The following DRP2 variants were observed in gnomAD, a reference collection of about 807,000 sequenced individuals.
DRP2 encodes the protein dystrophin related protein 2, also known as dystrophin-related protein 2.
DRP2 carries 29 observed loss-of-function variants against 78.2 expected under a neutral mutation model. The ratio of observed to expected loss-of-function variants is 0.37; its 90% CI spans 0.28 to 0.51. The LOEUF (loss-of-function observed/expected upper bound fraction) is 0.51. DRP2 is among the 20% of genes least tolerant of loss of function. The pLI, the probability that DRP2 is intolerant of heterozygous loss-of-function variation, is 0.94. For synonymous variants in DRP2, 290 were observed against 281.9 expected (o/e 1.03, Z -0.29); for missense variants, 686 against 770.6 (o/e 0.89, Z 1.30).
intron 4 of DRP2, among the ~76,000 whole-genome samples, chrX:101,236,693 G>A (rs1922517893): frequency 8.9e-6 from 1 of 112,240 alleles, no homozygotes; most frequent in African/African-American, 3.2e-5. Flanking sequence ...TTGTGGATAA[G>A]TTGAAAGAAT....
chrX:101,241,437 T>A (rs1488396597), intron 6 of DRP2, among the ~76,000 whole-genome samples: 2 of 111,006 alleles, frequency 1.8e-5, no homozygotes, highest in Non-Finnish European at 1.9e-5. Context: ...TAACTGCCTA[T>A]GACTCTACAA....
rs1922768680 is a variant in DRP2 at position 101,242,458 on chromosome X, G to A, written c.962G>A (p.Trp321Ter). Residue 321 changes from tryptophan to a stop codon, truncating the protein, a stop_gained, in exon 8 of 24, where the codon TGG becomes TAG. Coordinates refer to ENST00000395209, the MANE Select transcript of DRP2 (RefSeq NM_001939.3). LOFTEE classifies it high-confidence loss of function. ...GCCCTGGAACAGATCAACGTCCGAT[G>A]GAAACAACTACAGGTAGAAGAGCAG... is the stretch of plus-strand genomic sequence containing the variant. ...SQALEQINVR[W>*]KQLQASVSER... 8.3e-7 allele frequency: 1 copy of A among 1,209,652 alleles called. No homozygotes were observed. The highest frequency in any genetic ancestry group is 1.1e-6 in the Non-Finnish European group (1 of 894,817).
intron 1 of DRP2, among the ~76,000 whole-genome samples, chrX:101,220,432 A>G (rs1921854895): frequency 9.1e-6 from 1 of 110,025 alleles, no homozygotes; most frequent in Non-Finnish European, 1.9e-5. Flanking sequence ...AAGATGCCCA[A>G]GAATAGAAAC....
At chrX:101,239,355 G>C (rs1460438912) in intron 6 of DRP2, among the ~76,000 whole-genome samples, 1 of 111,671 alleles carries the variant, frequency 9.0e-6, no homozygotes, top group Non-Finnish European at 1.9e-5. Flanking sequence ...AGCAGCATGT[G>C]TGGCCATTTA....
In DRP2 at chrX:101,251,118, T is replaced by C. The variant is rs754635810; in HGVS notation, c.1865+35T>C. 6 of 1,140,842 alleles carry C rather than the reference T, an allele frequency of 5.3e-6. No individual in the cohort carries two copies. In the African/African-American group the frequency reaches 7.2e-5, roughly 14 times the overall value. 94.0% of individuals were successfully genotyped at this position (1,140,842 alleles called of 1,213,427 possible). ...ACAATACCTGCTGGGATGATAATAA[T>C]AAATATGTCATGTGACATATAACTC... On this transcript the variant is annotated intron_variant, in intron 16 of 23. Coordinates refer to ENST00000395209, the MANE Select transcript of DRP2 (RefSeq NM_001939.3).
chrX:101,235,617 A>G (rs1399738011), intron 3 of DRP2, among the ~76,000 whole-genome samples: 2 of 112,390 alleles, frequency 1.8e-5, no homozygotes, highest in Non-Finnish European at 3.8e-5. Flanking sequence ...ATTTATAATC[A>G]TGAGTAACAA....
chrX:101,245,131 C>T, intron 10 of DRP2, 54 bp downstream of exon 10: 1 of 1,124,171 alleles, frequency 8.9e-7, no homozygotes, highest in Non-Finnish European at 1.2e-6. Context: ...CCCCCTCCCT[C>T]TCCTGCCTTT....
In DRP2 at chrX:101,260,158, C is replaced by G; in HGVS notation, c.2738C>G (p.Thr913Ser). 3 of 1,211,441 alleles carry G rather than the reference C, an allele frequency of 2.5e-6. No individual in the cohort carries two copies. The highest frequency in any genetic ancestry group is 2.2e-5 in the Admixed American group (1 of 46,023). The change falls in exon 23 of 24, where the codon ACC becomes AGC. Residue 913 changes from threonine to serine, a missense_variant. Coordinates refer to ENST00000395209, the MANE Select transcript of DRP2 (RefSeq NM_001939.3). The stretch of plus-strand genomic sequence containing the variant: ...GAGAAGGGACAGACTACTCCAGATA[C>G]CGAGGCTGCAGGTGAGTTCCCCTGG... ...PREKGQTTPD[T>S]EAADDVGSKS...
At chrX:101,254,716 G>T in intron 18 of DRP2, 143 bp from the exon 19 acceptor site, 1 of 1,049,253 alleles carries the variant, frequency 9.5e-7, no homozygotes. Flanking sequence ...CTGCACTCTG[G>T]CCTGAGAAGT....
At chrX:101,251,214 C>T in intron 16 of DRP2, 131 bp downstream of exon 16, 1 of 585,227 alleles carries the variant, frequency 1.7e-6, no homozygotes, top group South Asian at 4.1e-5. Flanking sequence ...TTATTATATA[C>T]TGTTATAATC....
Position 101,243,838 on chromosome X carries a change from G to A in DRP2, c.1054+856G>A, listed in dbSNP as rs193093893. 8.9e-5 allele frequency among the ~76,000 whole-genome samples: 10 copies of A among 111,997 alleles called. 1 individual carries two copies. Among genetic ancestry groups the A allele is most frequent in the Admixed American group, 2.9e-4 (3 of 10,513 alleles). On this transcript the variant is annotated intron_variant, in intron 9 of 23. Transcript: ENST00000395209. Reference sequence around the variant, plus strand: ...CATGGAGGTGTTGCAATTTTGAACAGGGTGGTTAGCAGAGGCCTCACTGAG... The same window carrying A: ...CATGGAGGTGTTGCAATTTTGAACAAGGTGGTTAGCAGAGGCCTCACTGAG...
At chrX:101,243,145 G>A (rs1370701362) in intron 9 of DRP2, 163 bp downstream of exon 9, 10 of 412,254 alleles carry the variant, frequency 2.4e-5, no homozygotes, top group South Asian at 1.4e-4. Flanking sequence ...ACAGTCTCTC[G>A]GCTGGGCGTG....
rs1379202759 is a variant in DRP2, at chrX:101,224,181, G to GTTTTTTTTTTTTTTTTT, written c.-166-423_-166-422insTTTTTTTTTTTTTTTTT. Among the ~76,000 whole-genome samples, 30 of 47,656 alleles carry GTTTTTTTTTTTTTTTTT rather than the reference G, an allele frequency of 6.3e-4. 6 individuals are homozygous for GTTTTTTTTTTTTTTTTT. The highest frequency in any genetic ancestry group is 1.6e-3 in the African/African-American group (13 of 8,192). 41.4% of individuals were successfully genotyped at this position (47,656 alleles called of 115,157 possible). A position where few individuals can be genotyped will look rare whatever the true frequency, so the allele number is the denominator to read the frequency against. ...TCCCAAGAATAATAAATGTTTGCTG[G>GTTTTTTTTTTTTTTTTT]GTTTTTTTTGTTTTTTTTTTTTTTT... On this transcript the variant is annotated intron_variant, in intron 1 of 23. Transcript: ENST00000395209.
chrX:101,263,667 G>A lies in DRP2; in HGVS notation c.*3046G>A, dbSNP rs780660897. 1 of 111,880 alleles carries A rather than the reference G, an allele frequency of 8.9e-6. No individual in the cohort carries two copies. The highest frequency in any genetic ancestry group is 2.8e-4 in the East Asian group (1 of 3,569). The allele number at this position is 111,880 out of a possible 1,213,427, so 9.2% of individuals were successfully genotyped here. A position where few individuals can be genotyped will look rare whatever the true frequency, so the allele number is the denominator to read the frequency against. ...GTGCCCTTCCCTCCAGATTAGAAAG[G>A]CTAGAATCAAGAGTTTCAAGTGCTC... On this transcript the variant is annotated 3_prime_UTR_variant, in exon 24 of 24. Transcript: ENST00000395209.
chrX:101,227,229 C>T (rs1211517237), intron 2 of DRP2, among the ~76,000 whole-genome samples: 1 of 111,882 alleles, frequency 8.9e-6, no homozygotes, highest in African/African-American at 3.2e-5. Context: ...ACAGCACCCA[C>T]GTATGGTATG....
At chrX:101,253,519 T>C (rs1436688607) in intron 17 of DRP2, among the ~76,000 whole-genome samples, 2 of 104,140 alleles carry the variant, frequency 1.9e-5, no homozygotes, top group African/African-American at 7.0e-5. Flanking sequence ...TTTTAGAATT[T>C]TTTTTTAATT....
At chrX:101,232,003 G>A (rs948680336) in intron 3 of DRP2, among the ~76,000 whole-genome samples, 4 of 111,185 alleles carry the variant, frequency 3.6e-5, no homozygotes, top group Admixed American at 9.6e-5. Context: ...GCAGCTGAGC[G>A]GGGCTGGTTC....
At chrX:101,251,265 T>A in intron 16 of DRP2, 182 bp downstream of exon 16, 1 of 446,564 alleles carries the variant, frequency 2.2e-6, no homozygotes, top group Non-Finnish European at 3.5e-6. Context: ...AAATGGGAAG[T>A]GAGGAAATAT....
In DRP2 at chrX:101,241,730, G is replaced by A. The variant is rs201977267; in HGVS notation, c.622G>A (p.Ala208Thr). The A allele has an allele frequency of 8.3e-7, 1 of 1,210,087 alleles. No homozygotes were observed. The highest frequency in any genetic ancestry group is 3.0e-5 in the East Asian group (1 of 33,773). ...CTTTGTATGGAAGCAGGCGACGGTGGCCAGTGAACTGTGGGAGAAGTTGAC... is the reference window on the plus strand; with the variant it reads ...CTTTGTATGGAAGCAGGCGACGGTGACCAGTGAACTGTGGGAGAAGTTGAC... ...SRFVWKQATV[A>T]SELWEKLTAR... The change falls in exon 7 of 24, where the codon GCC becomes ACC. Residue 208 changes from alanine to threonine, a missense_variant. This residue lies in a region of DRP2 where 263 missense variants were observed against 239.1 expected (regional missense o/e 1.10). Coordinates refer to ENST00000395209, the MANE Select transcript of DRP2 (RefSeq NM_001939.3).
Sources: gnomAD v4.1 joint callset for allele counts (sites outside exome capture counted in the v4.1 genomes callset) on GRCh38, gnomAD v4.1.1 for gene constraint, gnomAD v4.1.1 regional missense constraint, MANE v1.5 for transcripts, NCBI Gene and HGNC (gene_info 2026-07-23, HGNC 2026-07-21) for gene names.